PDE1A: variants seen among roughly 807,000 people sequenced by gnomAD.
PDE1A encodes phosphodiesterase 1A.
PDE1A carries 35 observed loss-of-function variants against 61.7 expected under a neutral mutation model. That is an observed-to-expected ratio of 0.57 (90% CI 0.43 to 0.75). The LOEUF (loss-of-function observed/expected upper bound fraction) is 0.75, where lower values mean the gene tolerates loss of function less well. Among genes scored for constraint, PDE1A ranks in the 30% least tolerant of loss-of-function variants. The probability of loss-of-function intolerance (pLI) is 0.00; values close to 1 mark genes in which losing one functional copy is unlikely to be tolerated. For missense variants in PDE1A, 597 were observed against 630.6 expected (o/e 0.95, Z 0.57); for synonymous variants, 232 against 213.2 (o/e 1.09, Z -0.77).
intron 7 of PDE1A, among the ~76,000 whole-genome samples, chr2:182,212,693 A>C (rs1159300047): frequency 1.6e-4 from 25 of 152,352 alleles, no homozygotes; most frequent in South Asian, 1.5e-3. Flanking sequence ...CCACCCGAAT[A>C]CTGCGCTTTT....
intron 7 of PDE1A, among the ~76,000 whole-genome samples, chr2:182,206,308 A>G (rs1687097597): frequency 6.6e-6 from 1 of 152,172 alleles, no homozygotes; most frequent in Non-Finnish European, 1.5e-5. Context: ...TTTCCCATGT[A>G]CTTTCTTCTA....
the PDE1A span, among the ~76,000 whole-genome samples, chr2:182,602,977 T>C: frequency 7.4e-6 from 1 of 134,272 alleles, no homozygotes; most frequent in Non-Finnish European, 1.6e-5. Flanking sequence ...TGCCCTAAAA[T>C]ACATCACACA....
intron 1 of PDE1A, among the ~76,000 whole-genome samples, chr2:182,275,576 C>T (rs554418767): frequency 6.6e-6 from 1 of 152,092 alleles, no homozygotes; most frequent in South Asian, 2.1e-4. Flanking sequence ...GCAAAGCCAA[C>T]CAAAAGGTAT....
At chr2:182,505,541 A>G (rs1030985350) in intron 2 of PDE1A, among the ~76,000 whole-genome samples, 4 of 152,184 alleles carry the variant, frequency 2.6e-5, no homozygotes, top group African/African-American at 9.7e-5. Context: ...ATTTTGAGAA[A>G]GTTGGGTAGT....
intron 13 of PDE1A, among the ~76,000 whole-genome samples, chr2:182,149,233 T>C (rs1311745235): frequency 6.6e-6 from 1 of 152,190 alleles, no homozygotes; most frequent in African/African-American, 2.4e-5. Flanking sequence ...CTTTTTATAA[T>C]GGGTAAAGGC....
intron 1 of PDE1A, among the ~76,000 whole-genome samples, chr2:182,292,471 G>C (rs976380870): frequency 4.0e-5 from 6 of 151,748 alleles, no homozygotes; most frequent in African/African-American, 1.2e-4. Context: ...TTTCTGCTTA[G>C]GTTATCTGTC....
chr2:182,428,222 C>T (rs1467890151), upstream of PDE1A, among the ~76,000 whole-genome samples: 1 of 152,084 alleles, frequency 6.6e-6, no homozygotes, highest in Non-Finnish European at 1.5e-5. Context: ...ATTTCTTGAC[C>T]TGTCTGAGAC....
chr2:182,637,153 A>G, the PDE1A span, among the ~76,000 whole-genome samples: 1 of 152,254 alleles, frequency 6.6e-6, no homozygotes, highest in South Asian at 2.1e-4. Flanking sequence ...TTATCATGTA[A>G]CATCTTCATA....
chr2:182,656,456 C>T, the PDE1A span, among the ~76,000 whole-genome samples: 1 of 152,000 alleles, frequency 6.6e-6, no homozygotes, highest in Non-Finnish European at 1.5e-5. Flanking sequence ...ATGGGAAGAG[C>T]AAAAGAAAAT....
chr2:182,635,947 ATTTTTTTT>A, the PDE1A span, among the ~76,000 whole-genome samples: 12 of 55,284 alleles, frequency 2.2e-4, no homozygotes, highest in East Asian at 7.3e-3. Flanking sequence ...TCTCACCGGT[ATTTTTTTT>A]TTTTTTTTTT....
chr2:182,639,716 A>G, the PDE1A span, among the ~76,000 whole-genome samples: 1 of 152,006 alleles, frequency 6.6e-6, no homozygotes, highest in Non-Finnish European at 1.5e-5. Context: ...ATTTAAAAGA[A>G]TGAGAAAATA....
At chr2:182,570,687 T>C in the PDE1A span, among the ~76,000 whole-genome samples, 1 of 152,210 alleles carries the variant, frequency 6.6e-6, no homozygotes, top group Non-Finnish European at 1.5e-5. Flanking sequence ...TTGTTTAAAA[T>C]AGGGTAAAAA....
the PDE1A span, among the ~76,000 whole-genome samples, chr2:182,614,311 T>A: frequency 6.6e-6 from 1 of 152,144 alleles, no homozygotes; most frequent in Non-Finnish European, 1.5e-5. Context: ...CTGAGAGGCA[T>A]TTTCTTTATC....
chr2:182,375,585 G>A (rs1387187657), intron 1 of PDE1A, among the ~76,000 whole-genome samples: 1 of 152,190 alleles, frequency 6.6e-6, no homozygotes, highest in African/African-American at 2.4e-5. Flanking sequence ...GGCTGGCATT[G>A]AGTGTCTGTG....
intron 2 of PDE1A, among the ~76,000 whole-genome samples, chr2:182,490,800 C>T (rs936864685): frequency 6.6e-6 from 1 of 152,110 alleles, no homozygotes; most frequent in African/African-American, 2.4e-5. Context: ...CCTTGAATGA[C>T]AATATACTTT....
chr2:182,145,355 G>T (rs941262927), downstream of PDE1A, among the ~76,000 whole-genome samples: 2 of 151,748 alleles, frequency 1.3e-5, no homozygotes, highest in Non-Finnish European at 2.9e-5. Context: ...AATTTAACTG[G>T]CCTTGACAGA....
chr2:182,500,239 A>G (rs1372495252), intron 2 of PDE1A, among the ~76,000 whole-genome samples: 1 of 152,200 alleles, frequency 6.6e-6, no homozygotes, highest in Non-Finnish European at 1.5e-5. Context: ...TTGGCTCAGA[A>G]GTGAAGCCAA....
At chr2:182,647,017 T>C in the PDE1A span, among the ~76,000 whole-genome samples, 5 of 152,214 alleles carry the variant, frequency 3.3e-5, no homozygotes, top group Admixed American at 6.5e-5. Context: ...AAGTAAGAGA[T>C]TGGCACGATG....
At chr2:182,524,513 A>G (rs2125995319), upstream of PDE1A, among the ~76,000 whole-genome samples, 1 of 152,226 alleles carries the variant, frequency 6.6e-6, no homozygotes, top group East Asian at 1.9e-4. Flanking sequence ...CTTCTATCAC[A>G]CATTGATATT....
Sources: allele counts gnomAD v4.1 joint callset (sites outside exome capture counted in the v4.1 genomes callset), GRCh38; gene constraint gnomAD v4.1.1; transcripts MANE v1.5; gene names NCBI Gene and HGNC (gene_info 2026-07-23, HGNC 2026-07-21).